The following TBL1XR1 variants were observed in gnomAD, a reference collection of about 807,000 sequenced individuals.
TBL1XR1 encodes TBL1X/Y related 1.
A neutral mutation model predicts 66.9 loss-of-function variants in TBL1XR1; 5 were observed. That is an observed-to-expected ratio of 0.07 (90% CI 0.04 to 0.16). The LOEUF is 0.16. Ranked by LOEUF, TBL1XR1 falls within the 10% of genes least tolerant of loss-of-function variation. TBL1XR1 has a pLI of 1.00. For missense variants in TBL1XR1, 238 were observed against 623.2 expected (o/e 0.38, Z 6.58); for synonymous variants, 210 against 206.0 (o/e 1.02, Z -0.17).
At chr3:177,190,929 T>C (rs1371318005) in intron 1 of TBL1XR1, among the ~76,000 whole-genome samples, 3 of 152,164 alleles carry the variant, frequency 2.0e-5, no homozygotes, top group Admixed American at 1.3e-4. Flanking sequence ...GTTATGGGAT[T>C]TGTGATCTTC....
chr3:177,155,772 C>T lies in TBL1XR1; in HGVS notation c.-122+41349G>A, dbSNP rs191759197. Among the ~76,000 whole-genome samples, 179 of 152,158 alleles carry T rather than the reference C, an allele frequency of 1.2e-3. 1 individual carries two copies. Among genetic ancestry groups the T allele is most frequent in the Non-Finnish European group, 3.1e-4 (21 of 67,988 alleles). On this transcript the variant is annotated intron_variant, in intron 1 of 15. Coordinates refer to ENST00000457928, the MANE Select transcript of TBL1XR1 (RefSeq NM_024665.7). ...GGCTCATGCCTGTAATCCGTGCACTCCGGGAAGAGGGCGGATCCCCTGAGG... is the reference window on the plus strand; with the variant it reads ...GGCTCATGCCTGTAATCCGTGCACTTCGGGAAGAGGGCGGATCCCCTGAGG...
At chr3:177,181,042 C>T (rs1455053771) in intron 1 of TBL1XR1, among the ~76,000 whole-genome samples, 1 of 151,982 alleles carries the variant, frequency 6.6e-6, no homozygotes, top group African/African-American at 2.4e-5. Flanking sequence ...ACCCCAGACC[C>T]GCTATCCTGG....
intron 1 of TBL1XR1, among the ~76,000 whole-genome samples, chr3:177,118,013 T>C (rs796078614): frequency 6.6e-6 from 1 of 152,148 alleles, no homozygotes; most frequent in South Asian, 2.1e-4. Flanking sequence ...CTAGGGCCAA[T>C]GGCCATTTAT....
At position 177,021,523 on chromosome 3, in the gene TBL1XR1, T is replaced by C. The variant is rs1375873439; in HGVS notation, c.*3975A>G. The C allele has an allele frequency of 6.6e-6, 1 of 152,586 alleles. No homozygotes were observed. Among genetic ancestry groups the C allele is most frequent in the Non-Finnish European group, 1.5e-5 (1 of 68,004 alleles). 9.5% of individuals were successfully genotyped at this position (152,586 alleles called of 1,614,324 possible). Reference sequence around the variant, plus strand: ...GTATTAAAAAAGTGAACACTTCCTCTTTCTTCTCTCTTCTACATTTAACTA... The same window carrying C: ...GTATTAAAAAAGTGAACACTTCCTCCTTCTTCTCTCTTCTACATTTAACTA... On this transcript the variant is annotated 3_prime_UTR_variant, in exon 16 of 16. Coordinates refer to ENST00000457928, the MANE Select transcript of TBL1XR1 (RefSeq NM_024665.7).
chr3:177,164,941 G>A (rs1051263913), intron 1 of TBL1XR1, among the ~76,000 whole-genome samples: 50 of 152,024 alleles, frequency 3.3e-4, no homozygotes, highest in African/African-American at 1.1e-3. Context: ...ACATATGTTC[G>A]AGTTTGTTGA....
rs1714446805 is a variant in TBL1XR1 at position 177,034,276 on chromosome 3, T to C, written c.1172A>G (p.Asn391Ser). The C allele has an allele frequency of 6.3e-7, 1 of 1,598,676 alleles. No homozygotes were observed. The highest frequency in any genetic ancestry group is 8.5e-7 in the Non-Finnish European group (1 of 1,176,270). Residue 391 changes from asparagine to serine, a missense_variant, in exon 13 of 16, where the codon AAT (asparagine) becomes AGT (serine). Physicochemically the swap from Asn to Ser is conservative, Grantham distance 46. Transcript: ENST00000457928. ...CCATTTGATAGTATAAATTTCTTTA[T>C]TATGTGCTTGCAAATCATGGACACA... The part of the protein sequence containing the change: ...DNCVHDLQAH[N>S]KEIYTIKWSP...
chr3:177,149,544 T>C (rs1301576878), intron 1 of TBL1XR1, among the ~76,000 whole-genome samples: 1 of 152,212 alleles, frequency 6.6e-6, no homozygotes, highest in African/African-American at 2.4e-5. Flanking sequence ...TAATTTTGTA[T>C]TATACTAATT....
intron 1 of TBL1XR1, among the ~76,000 whole-genome samples, chr3:177,188,760 T>A (rs994468327): frequency 6.6e-6 from 1 of 152,216 alleles, no homozygotes; most frequent in Non-Finnish European, 1.5e-5. Context: ...GGGTACTCTA[T>A]GTTTACCAAA....
At chr3:177,120,126 C>T (rs1027992375) in intron 1 of TBL1XR1, among the ~76,000 whole-genome samples, 14 of 152,132 alleles carry the variant, frequency 9.2e-5, no homozygotes, top group African/African-American at 2.9e-4. Context: ...ACCTTAACTT[C>T]TCATTACTTT....
At chr3:177,147,491 AAAGT>A (rs1730392689) in intron 1 of TBL1XR1, among the ~76,000 whole-genome samples, 1 of 152,334 alleles carries the variant, frequency 6.6e-6, no homozygotes, top group Non-Finnish European at 1.5e-5. Context: ...ACAGTGAAAG[AAAGT>A]ACTTATGATT....
chr3:177,188,735 A>G (rs1735750417), intron 1 of TBL1XR1, among the ~76,000 whole-genome samples: 1 of 152,182 alleles, frequency 6.6e-6, no homozygotes, highest in Non-Finnish European at 1.5e-5. Flanking sequence ...CATTTCACAT[A>G]AATCTCCTGA....
At chr3:177,113,646 C>T (rs1421842709) in intron 1 of TBL1XR1, among the ~76,000 whole-genome samples, 2 of 152,036 alleles carry the variant, frequency 1.3e-5, no homozygotes, top group Non-Finnish European at 2.9e-5. Flanking sequence ...GCCTGGGCAA[C>T]ATATGGAGAC....
chr3:177,136,306 CTT>C (rs992906766), intron 1 of TBL1XR1: 1 of 151,426 alleles, frequency 6.6e-6, no homozygotes, highest in Admixed American at 6.6e-5. Context: ...TTTTTTTCCT[CTT>C]ATTGCCCAGG....
intron 1 of TBL1XR1, among the ~76,000 whole-genome samples, chr3:177,134,945 C>CTGTGTGTGTG (rs10662042): frequency 0.041 from 5,349 of 128,984 alleles, 116 homozygotes; most frequent in Middle Eastern, 0.062. Context: ...CACTGCAAGG[C>CTGTGTGTGTG]TGTGTGTGTG....
At chr3:177,145,504 C>G (rs1730142140) in intron 1 of TBL1XR1, among the ~76,000 whole-genome samples, 2 of 151,964 alleles carry the variant, frequency 1.3e-5, no homozygotes, top group African/African-American at 2.4e-5. Flanking sequence ...AGAATAAAGG[C>G]AGTAAGGCAA....
intron 1 of TBL1XR1, among the ~76,000 whole-genome samples, chr3:177,153,781 G>T (rs1041801924): frequency 1.3e-5 from 2 of 151,308 alleles, no homozygotes; most frequent in South Asian, 2.1e-4. Flanking sequence ...GGAGGTTGAG[G>T]CAGGAGAATC....
At chr3:177,182,912 ACT>A (rs1252237017) in intron 1 of TBL1XR1, among the ~76,000 whole-genome samples, 1 of 152,186 alleles carries the variant, frequency 6.6e-6, no homozygotes, top group Non-Finnish European at 1.5e-5. Flanking sequence ...TCTTCTAAGT[ACT>A]GTCCTTTATG....
chr3:177,146,378 C>T (rs1730244199), intron 1 of TBL1XR1, among the ~76,000 whole-genome samples: 1 of 151,568 alleles, frequency 6.6e-6, no homozygotes, highest in African/African-American at 2.4e-5. Context: ...CCTTTGCCTC[C>T]CGGGTTCAAG....
chr3:177,190,733 G>T (rs1009709597), intron 1 of TBL1XR1, among the ~76,000 whole-genome samples: 1 of 152,120 alleles, frequency 6.6e-6, no homozygotes, highest in Non-Finnish European at 1.5e-5. Context: ...AATCTTTAAG[G>T]TCTAACTCAA....
Sources: allele counts gnomAD v4.1 joint callset (sites outside exome capture counted in the v4.1 genomes callset), GRCh38; gene constraint gnomAD v4.1.1; transcripts MANE v1.5; gene names NCBI Gene and HGNC (gene_info 2026-07-23, HGNC 2026-07-21).